The following LCLAT1 variants were observed in gnomAD, a reference collection of about 807,000 sequenced individuals.
LCLAT1 encodes lysocardiolipin acyltransferase 1, also known as 1-AGP acyltransferase 8.
A neutral mutation model predicts 30.7 loss-of-function variants in LCLAT1; 11 were observed. The ratio of observed to expected loss-of-function variants is 0.36; its 90% CI spans 0.23 to 0.59. The LOEUF (loss-of-function observed/expected upper bound fraction) is 0.59. LCLAT1 is among the 20% of genes least tolerant of loss of function. LCLAT1 has a pLI of 0.77. For missense variants in LCLAT1, 402 were observed against 458.6 expected, an observed-to-expected ratio of 0.88 and a Z score of 1.13; for synonymous variants, 155 against 151.3, an observed-to-expected ratio of 1.02 and a Z score of -0.18.
At chr2:30,565,671 C>G (rs914702218) in intron 4 of LCLAT1, among the ~76,000 whole-genome samples, 4 of 152,078 alleles carry the variant, frequency 2.6e-5, no homozygotes, top group Non-Finnish European at 4.4e-5. Flanking sequence ...GGATCTTTAT[C>G]CCTACTCTCA....
At position 30,456,238 on chromosome 2, in the gene LCLAT1, G is replaced by A. The variant is rs567701126; in HGVS notation, c.-5+8855G>A. Among the ~76,000 whole-genome samples, 52 of 152,280 alleles carry A rather than the reference G, an allele frequency of 3.4e-4. 2 individuals carry two copies. In the South Asian group the frequency reaches 0.011, roughly 32 times the overall value. On this transcript the variant is annotated intron_variant, in intron 1 of 5. Transcript: ENST00000379509. ...CTTTAGGACTCTACTGACACCACTG[G>A]GAGGGGATGGCCTTCTTACCCCTGG...
intron 5 of LCLAT1, among the ~76,000 whole-genome samples, chr2:30,617,693 A>G (rs1668059803): frequency 6.6e-6 from 1 of 152,172 alleles, no homozygotes; most frequent in African/African-American, 2.4e-5. Context: ...GTAAATGTAT[A>G]TTAGAATCTT....
chr2:30,577,369 C>T (rs1476286123), intron 5 of LCLAT1, among the ~76,000 whole-genome samples: 2 of 152,038 alleles, frequency 1.3e-5, no homozygotes, highest in African/African-American at 2.4e-5. Context: ...GGCTTTCACT[C>T]CCTCCACACA....
At chr2:30,621,026 C>G (rs550018333) in intron 5 of LCLAT1, among the ~76,000 whole-genome samples, 1 of 152,246 alleles carries the variant, frequency 6.6e-6, no homozygotes, top group East Asian at 1.9e-4. Context: ...TCATCTCAAT[C>G]CTTATCTTAA....
chr2:30,493,247 T>C (rs1683920478), intron 1 of LCLAT1, among the ~76,000 whole-genome samples: 1 of 152,218 alleles, frequency 6.6e-6, no homozygotes, highest in South Asian at 2.1e-4. Context: ...ATAGTGAAAC[T>C]CAAGGAAATT....
rs374926328 is a variant in LCLAT1, at chr2:30,453,469, C to A, written c.-5+6086C>A. ...AATACTGTCTTAGAATTATTTTTTT[C>A]TGTTTGTGTAGCCTTTAAATGAAAA... is the stretch of plus-strand genomic sequence containing the variant. On this transcript the variant is annotated intron_variant, in intron 1 of 5. Transcript: ENST00000379509. Among the ~76,000 whole-genome samples the A allele has an allele frequency of 1.4e-4, 22 of 152,150 alleles. No homozygotes were observed. The East Asian group carries it at 4.2e-3, about 29-fold the overall frequency.
intron 5 of LCLAT1, among the ~76,000 whole-genome samples, chr2:30,617,155 A>AC (rs1354250276): frequency 6.6e-6 from 1 of 151,950 alleles, no homozygotes. Flanking sequence ...CATGTCCATC[A>AC]CCCCCAAAGG....
At chr2:30,557,948 G>A (rs1665007283) in intron 3 of LCLAT1, among the ~76,000 whole-genome samples, 1 of 152,042 alleles carries the variant, frequency 6.6e-6, no homozygotes, top group Non-Finnish European at 1.5e-5. Context: ...TATCCATTCA[G>A]AAAACAAACA....
chr2:30,611,694 C>A (rs1472280863), intron 5 of LCLAT1, among the ~76,000 whole-genome samples: 1 of 152,128 alleles, frequency 6.6e-6, no homozygotes, highest in African/African-American at 2.4e-5. Context: ...AGATTCTTAA[C>A]TGGTCTGGGC....
chr2:30,563,177 C>A (rs1056908474), intron 4 of LCLAT1, among the ~76,000 whole-genome samples: 1 of 152,072 alleles, frequency 6.6e-6, no homozygotes, highest in African/African-American at 2.4e-5. Context: ...CCCGATACTA[C>A]CACCACACCT....
At chr2:30,632,359 A>G (rs1478308521) in intron 5 of LCLAT1, among the ~76,000 whole-genome samples, 1 of 151,902 alleles carries the variant, frequency 6.6e-6, no homozygotes, top group East Asian at 1.9e-4. Context: ...ATGCCATGGG[A>G]CAACTTAAAA....
chr2:30,525,590 C>G lies in LCLAT1; in HGVS notation c.-1C>G, dbSNP rs1412512906. 1.9e-6 allele frequency: 3 copies of G among 1,611,164 alleles called. No homozygotes were observed. The Admixed American group carries it at 5.0e-5, about 27-fold the overall frequency. On this transcript the variant is annotated 5_prime_UTR_variant, in exon 2 of 6. It adds an upstream start codon to the 5' untranslated region. Coordinates refer to ENST00000379509, the MANE Select transcript of LCLAT1 (RefSeq NM_001002257.3). ...TATCCTTTTTTATATCTTTCAGAAT[C>G]ATGGTGTCATGGAAAGGGATTTACT...
chr2:30,474,649 C>CT (rs10654986), intron 1 of LCLAT1, among the ~76,000 whole-genome samples: 82,932 of 143,796 alleles, frequency 0.58, 24,722 homozygotes, highest in Non-Finnish European at 0.66. Flanking sequence ...AATAATTTAA[C>CT]TTTTTTTTTT....
intron 5 of LCLAT1, among the ~76,000 whole-genome samples, chr2:30,583,382 A>G (rs1436314008): frequency 1.3e-5 from 2 of 152,248 alleles, no homozygotes; most frequent in Admixed American, 1.3e-4. Flanking sequence ...AGTGTTCTAC[A>G]TCACCACAAT....
In LCLAT1 at chr2:30,640,129, A is replaced by T. The variant is rs1417642920; in HGVS notation, c.641A>T (p.Asp214Val). ...VDRLREGKNL[D>V]AVHDITVAYP... ...TTTCGAAACCCAGGTAAGAACCTTG[A>T]TGCTGTCCATGATATCACTGTGGCG... The change falls in exon 6 of 6, where the codon GAT (aspartate) becomes GTT (valine). Residue 214 changes from aspartate to valine, a missense_variant. By Grantham distance (152) the Asp-to-Val change is radical (BLOSUM62 -3). Coordinates refer to ENST00000379509, the MANE Select transcript of LCLAT1 (RefSeq NM_001002257.3). 6.2e-7 allele frequency: 1 copy of T among 1,611,084 alleles called. No individual in the cohort carries two copies. Among genetic ancestry groups the T allele is most frequent in the African/African-American group, 1.3e-5 (1 of 74,984 alleles).
chr2:30,532,207 A>G (rs1289686623), intron 2 of LCLAT1, among the ~76,000 whole-genome samples: 2 of 152,094 alleles, frequency 1.3e-5, no homozygotes, highest in Admixed American at 6.5e-5. Flanking sequence ...TAGTTCATCT[A>G]CTTTCATTGT....
At chr2:30,557,520 T>G (rs1302665940) in intron 3 of LCLAT1, among the ~76,000 whole-genome samples, 2 of 152,054 alleles carry the variant, frequency 1.3e-5, no homozygotes, top group African/African-American at 2.4e-5. Flanking sequence ...GTTCAAGTGA[T>G]TCTCCTGCCT....
chr2:30,566,346 C>T (rs1420669166), intron 4 of LCLAT1, among the ~76,000 whole-genome samples: 1 of 152,122 alleles, frequency 6.6e-6, no homozygotes, highest in Non-Finnish European at 1.5e-5. Context: ...GATTCCTAAT[C>T]CCATTTAAGG....
Position 30,571,132 on chromosome 2 carries a change from C to T in LCLAT1, c.628+2956C>T, listed in dbSNP as rs1665760314. ...AAAGAAAGCAGTTTATATTTCAATCCATACTTAGCTCATATGCTTAAATTC... is the reference window on the plus strand; with the variant it reads ...AAAGAAAGCAGTTTATATTTCAATCTATACTTAGCTCATATGCTTAAATTC... On this transcript the variant is annotated intron_variant, in intron 5 of 5. Transcript: ENST00000379509. 2.6e-5 allele frequency among the ~76,000 whole-genome samples: 4 copies of T among 152,184 alleles called. No individual in the cohort carries two copies. The South Asian group carries it at 8.3e-4, about 32-fold the overall frequency.
Sources: gnomAD v4.1 joint callset for allele counts (sites outside exome capture counted in the v4.1 genomes callset) on GRCh38, gnomAD v4.1.1 for gene constraint, MANE v1.5 for transcripts, NCBI Gene and HGNC (gene_info 2026-07-23, HGNC 2026-07-21) for gene names.